Variants in MED15 observed in about 807,000 individuals in gnomAD.
MED15 encodes the protein mediator complex subunit 15.
MED15 carries 41 observed loss-of-function variants against 118.7 expected under a neutral mutation model. The ratio of observed to expected loss-of-function variants is 0.35; its 90% confidence interval spans 0.27 to 0.45. The LOEUF (loss-of-function observed/expected upper bound fraction) is 0.45, where lower values mean the gene tolerates loss of function less well. Ranked by LOEUF, MED15 falls within the 20% of genes least tolerant of loss-of-function variation. The pLI is 1.00. For synonymous variants in MED15, 436 were observed against 413.9 expected (o/e 1.05, Z -0.65); for missense variants, 740 against 1,025.5 (o/e 0.72, Z 3.80).
intron 9 of MED15, among the ~76,000 whole-genome samples, chr22:20,578,661 TC>T (rs1244523788): frequency 6.6e-6 from 1 of 151,834 alleles, no homozygotes; most frequent in African/African-American, 2.4e-5. Flanking sequence ...CCCCACTGTG[TC>T]CCATCTGAGC....
chr22:20,544,053 A>C (rs2055426364), intron 2 of MED15, among the ~76,000 whole-genome samples: 1 of 152,134 alleles, frequency 6.6e-6, no homozygotes, highest in African/African-American at 2.4e-5. Flanking sequence ...AATCACCTTT[A>C]ATTTTCATGT....
intron 2 of MED15, among the ~76,000 whole-genome samples, chr22:20,540,607 G>T (rs1217271372): frequency 6.6e-6 from 1 of 151,894 alleles, no homozygotes; most frequent in Non-Finnish European, 1.5e-5. Context: ...CTCAAAATGG[G>T]TCAAAAACCT....
chr22:20,556,183 A>G (rs1167840452), intron 5 of MED15, among the ~76,000 whole-genome samples: 6 of 152,184 alleles, frequency 3.9e-5, no homozygotes, highest in African/African-American at 1.4e-4. Flanking sequence ...GAGTTCCCAC[A>G]TGCCCTTTAC....
At chr22:20,576,736 A>C (rs1321446850) in intron 9 of MED15, among the ~76,000 whole-genome samples, 2 of 152,232 alleles carry the variant, frequency 1.3e-5, no homozygotes, top group Admixed American at 6.5e-5. Context: ...AAAGGAGGCC[A>C]GTGTGGGCAG....
chr22:20,575,495 C>T, intron 9 of MED15, among the ~76,000 whole-genome samples: 2 of 151,714 alleles, frequency 1.3e-5, no homozygotes, highest in South Asian at 4.1e-4. Flanking sequence ...AATAAAACAG[C>T]AGCTAAGCAA....
At chr22:20,538,860 C>T (rs766925182) in intron 2 of MED15, among the ~76,000 whole-genome samples, 12 of 151,830 alleles carry the variant, frequency 7.9e-5, no homozygotes, top group Admixed American at 1.3e-4. Flanking sequence ...CCACCACACC[C>T]GACTAATTTT....
At position 20,585,120 on chromosome 22, in the gene MED15, C is replaced by G. The variant is rs1296369716; in HGVS notation, c.1984C>G (p.Arg662Gly). 8 of 1,613,674 alleles carry G rather than the reference C, an allele frequency of 5.0e-6. No individual in the cohort carries two copies. Among genetic ancestry groups the G allele is most frequent in the South Asian group, 1.1e-5 (1 of 91,076 alleles). The change falls in exon 16 of 18, where the codon CGG becomes GGG. Residue 662 changes from arginine to glycine, a missense_variant. Physicochemically the swap from Arg to Gly is moderately radical, Grantham distance 125. Transcript: ENST00000263205. ...CCCCAGGGCCCCAGTGGTGTGCACC[C>G]GGAAGCGCAGGCTTGAGGATGATGA... ...PPITAPVVCT[R>G]KRRLEDDERQ...
chr22:20,535,636 T>A (rs545822472), intron 1 of MED15, among the ~76,000 whole-genome samples: 1 of 151,752 alleles, frequency 6.6e-6, no homozygotes, highest in South Asian at 2.1e-4. Context: ...CTCCGCTCAC[T>A]GCCAGCTCCG....
At chr22:20,578,516 A>T (rs2056888229) in intron 9 of MED15, among the ~76,000 whole-genome samples, 1 of 152,198 alleles carries the variant, frequency 6.6e-6, no homozygotes, top group African/African-American at 2.4e-5. Flanking sequence ...CCGTGTACCA[A>T]GGGCATTCAC....
At chr22:20,545,763 G>A (rs2055508356) in intron 2 of MED15, among the ~76,000 whole-genome samples, 1 of 152,150 alleles carries the variant, frequency 6.6e-6, no homozygotes, top group South Asian at 2.1e-4. Flanking sequence ...GTGGGCTGGG[G>A]CCAAGGTCCC....
intron 9 of MED15, among the ~76,000 whole-genome samples, chr22:20,577,001 T>A (rs2056842546): frequency 6.6e-6 from 1 of 152,170 alleles, no homozygotes; most frequent in Admixed American, 6.5e-5. Flanking sequence ...GTCCCCAATG[T>A]TTTCAGTGTG....
chr22:20,508,327 G>C, intron 1 of MED15: 2 of 1,304,286 alleles, frequency 1.5e-6, no homozygotes, highest in Non-Finnish European at 1.0e-6. Flanking sequence ...AGAGCGTGAA[G>C]AGCTGGGGTC....
chr22:20,528,149 C>T (rs1034669921), intron 1 of MED15, among the ~76,000 whole-genome samples: 11 of 152,180 alleles, frequency 7.2e-5, no homozygotes, highest in African/African-American at 2.2e-4. Context: ...CATGTTATGG[C>T]GTCTGGCTGC....
chr22:20,560,480 T>G lies in MED15; in HGVS notation c.452-3970T>G, dbSNP rs544362573. 3.5e-3 allele frequency among the ~76,000 whole-genome samples: 537 copies of G among 152,220 alleles called. 3 individuals are homozygous for G. The highest frequency in any genetic ancestry group is 0.01 in the South Asian group (49 of 4,818). ...GGGTTTCACCATGTTGGCCAGGATG[T>G]TCTCGATCTCCAGACCTTGTGATCT... On this transcript the variant is annotated intron_variant, in intron 5 of 17. Transcript: ENST00000263205.
intron 14 of MED15, 167 bp downstream of exon 14, chr22:20,584,592 C>T (rs2057079792): frequency 1.1e-6 from 1 of 900,568 alleles, no homozygotes; most frequent in Non-Finnish European, 1.7e-6. Flanking sequence ...TGGGTGGGAA[C>T]ATGGGAGAAG....
At chr22:20,521,492 G>C (rs1282743642) in intron 1 of MED15, among the ~76,000 whole-genome samples, 5 of 151,108 alleles carry the variant, frequency 3.3e-5, no homozygotes. Context: ...TGCCTCCCGG[G>C]TTCACACCAT....
chr22:20,574,866 G>A, intron 8 of MED15: 1 of 531,128 alleles, frequency 1.9e-6, no homozygotes, highest in Non-Finnish European at 3.4e-6. Flanking sequence ...AGAGCAACCA[G>A]TAGAACAGAA....
chr22:20,559,467 C>T (rs1166909621), intron 5 of MED15, among the ~76,000 whole-genome samples: 1 of 151,900 alleles, frequency 6.6e-6, no homozygotes, highest in Non-Finnish European at 1.5e-5. Flanking sequence ...CAAGCAAAGC[C>T]CCGGAAGGAT....
rs1395796642 is a variant in MED15, at chr22:20,579,537, G to T, written c.1273-3074G>T. On this transcript the variant is annotated intron_variant, in intron 9 of 17. Coordinates refer to ENST00000263205, the MANE Select transcript of MED15 (RefSeq NM_001003891.3). ...GGAACGGTTCCCAGTATGTGGGGGC[G>T]GGGGTGGGGATCGCGCAGTGCCGCC... Among the ~76,000 whole-genome samples, 3 of 152,056 alleles carry T rather than the reference G, an allele frequency of 2.0e-5. No individual in the cohort carries two copies. In the East Asian group the frequency reaches 5.8e-4, roughly 29 times the overall value.
Sources: allele counts gnomAD v4.1 joint callset (sites outside exome capture counted in the v4.1 genomes callset), GRCh38; gene constraint gnomAD v4.1.1; transcripts MANE v1.5; gene names NCBI Gene and HGNC (gene_info 2026-07-23, HGNC 2026-07-21).